SVEP1: variants seen among roughly 807,000 people sequenced by gnomAD.
SVEP1 encodes sushi, von Willebrand factor type A, EGF and pentraxin domain-containing protein 1.
In SVEP1, 164 loss-of-function variants were observed where a neutral mutation model predicts 367.3. The ratio of observed to expected loss-of-function variants is 0.45; its 90% CI spans 0.39 to 0.51. The LOEUF is 0.51. Among genes scored for constraint, SVEP1 ranks in the 20% least tolerant of loss-of-function variants. The probability of loss-of-function intolerance (pLI) is 0.00; values close to 1 mark genes in which losing one functional copy is unlikely to be tolerated. For missense variants in SVEP1, 4,117 were observed against 4,425.3 expected, an observed-to-expected ratio of 0.93 and a Z score of 1.98; for synonymous variants, 1,666 against 1,611.6, an observed-to-expected ratio of 1.03 and a Z score of -0.81.
chr9:110,480,562 G>A (rs1829169477), intron 12 of SVEP1, among the ~76,000 whole-genome samples: 1 of 152,108 alleles, frequency 6.6e-6, no homozygotes, highest in African/African-American at 2.4e-5. Flanking sequence ...GACTATGATT[G>A]ATGTATTTTA....
rs1435663265 is a variant in SVEP1, at chr9:110,366,551, C to T, written c.10704G>A (p.Arg3568=). The change falls in exon 48 of 48, where the codon AGG becomes AGA. Residue 3568 remains arginine, a synonymous_variant. Transcript: ENST00000374469. ...WTGHNCSRKR[R]TGF is the part of the protein sequence containing the mutation. ...GGTCGTGCAGTGGTTAAAACCCAGTCCTCCTTTTCCTGGAAAAAAAAAAAA... is the reference window on the plus strand; with the variant it reads ...GGTCGTGCAGTGGTTAAAACCCAGTTCTCCTTTTCCTGGAAAAAAAAAAAA... 3 of 1,540,918 alleles carry T rather than the reference C, an allele frequency of 1.9e-6. No homozygotes were observed. The highest frequency in any genetic ancestry group is 2.6e-6 in the Non-Finnish European group (3 of 1,148,424).
At chr9:110,515,097 T>C (rs1436977699) in intron 3 of SVEP1, among the ~76,000 whole-genome samples, 2 of 152,192 alleles carry the variant, frequency 1.3e-5, no homozygotes, top group Admixed American at 6.5e-5. Flanking sequence ...ACAGACAATG[T>C]AGCTTTGAAT....
intron 9 of SVEP1, 68 bp from the exon 10 acceptor site, chr9:110,483,761 A>C: frequency 8.2e-7 from 1 of 1,215,664 alleles, no homozygotes. Context: ...GGTTTTCAAA[A>C]GAGAACTGAA....
At chr9:110,478,715 T>C (rs193073233) in intron 13 of SVEP1, among the ~76,000 whole-genome samples, 114 of 152,342 alleles carry the variant, frequency 7.5e-4, no homozygotes, top group Middle Eastern at 3.4e-3. Flanking sequence ...AATATAACGT[T>C]TTTACCAAGT....
At chr9:110,470,784 A>G (rs1829004828) in intron 16 of SVEP1, among the ~76,000 whole-genome samples, 1 of 149,114 alleles carries the variant, frequency 6.7e-6, no homozygotes, top group South Asian at 2.1e-4. Context: ...AAATATATAT[A>G]TATATTTATT....
chr9:110,449,339 A>C (rs1588058683), intron 24 of SVEP1, among the ~76,000 whole-genome samples: 1 of 152,200 alleles, frequency 6.6e-6, no homozygotes, highest in Non-Finnish European at 1.5e-5. Context: ...AAAGGTTACT[A>C]AACTAAAAAA....
intron 12 of SVEP1, 43 bp downstream of exon 12, chr9:110,481,199 A>T (rs1829181132): frequency 1.5e-6 from 2 of 1,358,186 alleles, no homozygotes; most frequent in African/African-American, 2.9e-5. Flanking sequence ...ATGTACACAC[A>T]TTCACACACA....
chr9:110,527,347 C>T (rs1829951751), intron 3 of SVEP1, among the ~76,000 whole-genome samples: 2 of 151,708 alleles, frequency 1.3e-5, no homozygotes, highest in South Asian at 4.2e-4. Flanking sequence ...CAAGTTATAT[C>T]CAGAAATATT....
At position 110,578,332 on chromosome 9, in the gene SVEP1, A is replaced by C. The variant is rs1364866934; in HGVS notation, c.531+681T>G. On this transcript the variant is annotated intron_variant, in intron 1 of 47. Coordinates refer to ENST00000374469, the MANE Select transcript of SVEP1 (RefSeq NM_153366.4). ...ACTGGGCAACTGTTCAACAACCTGC[A>C]AACAGTGGCTTTTTTAAAGTGATGA... 1.1e-4 allele frequency among the ~76,000 whole-genome samples: 16 copies of C among 151,734 alleles called. 1 individual carries two copies. Among genetic ancestry groups the C allele is most frequent in the Admixed American group, 1.1e-3 (16 of 15,196 alleles).
intron 1 of SVEP1, 66 bp downstream of exon 1, chr9:110,578,947 G>A: frequency 6.6e-7 from 1 of 1,507,830 alleles, no homozygotes; most frequent in Admixed American, 2.3e-5. Context: ...GATAGAGACG[G>A]GCAGGCAGCG....
In SVEP1 at chr9:110,469,298, G is replaced by A. The variant is rs147264375; in HGVS notation, c.2999-197C>T. Among the ~76,000 whole-genome samples, 314 of 152,192 alleles carry A rather than the reference G, an allele frequency of 2.1e-3. 1 individual carries two copies. Among genetic ancestry groups the A allele is most frequent in the African/African-American group, 7.2e-3 (299 of 41,544 alleles). On this transcript the variant is annotated intron_variant, in intron 16 of 47. Transcript: ENST00000374469. Reference sequence around the variant, plus strand: ...CCCAGAAACCAACAGTAAGACATTCGTTTATTTTTTAAAGATAAAGCAAAT... The same window carrying A: ...CCCAGAAACCAACAGTAAGACATTCATTTATTTTTTAAAGATAAAGCAAAT...
At chr9:110,487,568 C>T (rs936518726) in intron 9 of SVEP1, among the ~76,000 whole-genome samples, 2 of 152,126 alleles carry the variant, frequency 1.3e-5, no homozygotes, top group Admixed American at 6.5e-5. Context: ...GGGTAAGGAA[C>T]CAGTTTAATA....
intron 1 of SVEP1, among the ~76,000 whole-genome samples, chr9:110,558,333 C>CAAAAA (rs60516091): frequency 1.8e-4 from 16 of 88,320 alleles, no homozygotes; most frequent in East Asian, 8.7e-4. Context: ...CCTGTCTCTA[C>CAAAAA]AAAAAAAAAA....
intron 36 of SVEP1, among the ~76,000 whole-genome samples, chr9:110,423,167 G>GAAAAAAAAAAAAAAAAAAAAAAAAAAAA (rs1491397277): frequency 1.5e-5 from 1 of 66,990 alleles, no homozygotes; most frequent in Non-Finnish European, 2.8e-5. Context: ...AAAAAATAAA[G>GAAAAAAAAAAAAAAAAAAAAAAAAAAAA]TAAAAAAAAA....
At chr9:110,440,607 A>G (rs1828498254) in intron 27 of SVEP1, among the ~76,000 whole-genome samples, 1 of 152,238 alleles carries the variant, frequency 6.6e-6, no homozygotes, top group Non-Finnish European at 1.5e-5. Context: ...AAGAACTGAA[A>G]GAAAAAGCTC....
At chr9:110,493,159 G>A (rs1216502699) in intron 8 of SVEP1, among the ~76,000 whole-genome samples, 2 of 152,002 alleles carry the variant, frequency 1.3e-5, no homozygotes, top group Non-Finnish European at 2.9e-5. Context: ...AAGGGGAAGG[G>A]CAGCAGAGGT....
At chr9:110,479,559 C>A (rs73655369) in intron 13 of SVEP1, 76 bp downstream of exon 13, 7 of 1,457,874 alleles carry the variant, frequency 4.8e-6, no homozygotes, top group South Asian at 4.6e-5. Context: ...GATGAGAAAT[C>A]GCAGTTGTAA....
At chr9:110,371,793 C>G (rs1827280562) in intron 46 of SVEP1, among the ~76,000 whole-genome samples, 1 of 152,202 alleles carries the variant, frequency 6.6e-6, no homozygotes, top group Admixed American at 6.5e-5. Flanking sequence ...TCTCTCAAAT[C>G]TGCTCTTTTG....
At chr9:110,501,692 T>C (rs545903269) in intron 6 of SVEP1, among the ~76,000 whole-genome samples, 57 of 152,322 alleles carry the variant, frequency 3.7e-4, no homozygotes, top group Middle Eastern at 6.8e-3. Flanking sequence ...AGATTTCAGA[T>C]TGATATTTTT....
Sources: gnomAD v4.1 joint callset for allele counts (sites outside exome capture counted in the v4.1 genomes callset) on GRCh38, gnomAD v4.1.1 for gene constraint, MANE v1.5 for transcripts, NCBI Gene and HGNC (gene_info 2026-07-23, HGNC 2026-07-21) for gene names.